NLRP4: variants seen among roughly 807,000 people sequenced by gnomAD.
The protein encoded by NLRP4 is NACHT, LRR and PYD domains-containing protein 4.
A neutral mutation model predicts 84.7 loss-of-function variants in NLRP4; 44 were observed. The ratio of observed to expected loss-of-function variants is 0.52; its 90% CI spans 0.41 to 0.67. The LOEUF is 0.67. NLRP4 is among the 30% of genes least tolerant of loss of function. The pLI, the probability that NLRP4 is intolerant of heterozygous loss-of-function variation, is 0.00. For synonymous variants in NLRP4, 544 were observed against 476.4 expected (o/e 1.14, Z -1.85); for missense variants, 1,260 against 1,219.4 (o/e 1.03, Z -0.50).
At chr19:55,873,923 G>C (rs1985280048) in intron 7 of NLRP4, among the ~76,000 whole-genome samples, 1 of 151,952 alleles carries the variant, frequency 6.6e-6, no homozygotes, top group Non-Finnish European at 1.5e-5. Flanking sequence ...TGGAGCTGTA[G>C]TGCATGTATA....
chr19:55,875,397 A>C (rs1048188362), intron 7 of NLRP4, among the ~76,000 whole-genome samples: 1 of 152,234 alleles, frequency 6.6e-6, no homozygotes, highest in Non-Finnish European at 1.5e-5. Flanking sequence ...AAAAACAGTT[A>C]CTGATATACC....
intron 4 of NLRP4, among the ~76,000 whole-genome samples, chr19:55,861,785 C>T (rs1230655969): frequency 6.6e-6 from 1 of 152,122 alleles, no homozygotes; most frequent in Non-Finnish European, 1.5e-5. Context: ...AATAGCATCC[C>T]CTTGTCCAGA....
rs200434178 is a variant in NLRP4, at chr19:55,843,740, G to A, written c.-66+6806G>A. 3.1e-4 allele frequency among the ~76,000 whole-genome samples: 47 copies of A among 151,912 alleles called. No individual in the cohort carries two copies. The East Asian group carries it at 9.1e-3, about 30-fold the overall frequency. ...CATCCTAGTAGCAATCTTATATTAG[G>A]TTGGTACAAAAGTAATTGCGGTTTT... On this transcript the variant is annotated intron_variant, in intron 1 of 9. Coordinates refer to ENST00000301295, the MANE Select transcript of NLRP4 (RefSeq NM_134444.5).
chr19:55,853,084 A>G (rs1238804369), intron 2 of NLRP4, among the ~76,000 whole-genome samples: 4 of 152,266 alleles, frequency 2.6e-5, no homozygotes, highest in Non-Finnish European at 5.9e-5. Flanking sequence ...GCAATGATCT[A>G]TAAGCAATAT....
intron 2 of NLRP4, among the ~76,000 whole-genome samples, chr19:55,854,128 C>T (rs531234624): frequency 1.3e-5 from 2 of 152,162 alleles, no homozygotes; most frequent in African/African-American, 4.8e-5. Flanking sequence ...CGCCACCACA[C>T]CCGGCTAATT....
intron 1 of NLRP4, among the ~76,000 whole-genome samples, chr19:55,845,967 G>A (rs1445313580): frequency 1.3e-5 from 2 of 152,044 alleles, no homozygotes; most frequent in Admixed American, 6.6e-5. Flanking sequence ...CTCCCATTCT[G>A]TAGGTTGCCT....
chr19:55,858,629 T>A lies in NLRP4; in HGVS notation c.1236T>A (p.Phe412Leu). 6.2e-7 allele frequency: 1 copy of A among 1,614,164 alleles called. No homozygotes were observed. Among genetic ancestry groups the A allele is most frequent in the South Asian group, 1.1e-5 (1 of 91,078 alleles). ...LAAEGMWTDT[F>L]EFCEDDLRRN... ...CAGAGGGTATGTGGACAGACACATT[T>A]GAGTTTTGTGAAGACGACCTCCGGA... is the stretch of plus-strand genomic sequence containing the variant. The change falls in exon 3 of 10, where the codon TTT becomes TTA. Residue 412 changes from phenylalanine (F) to leucine (L), a missense_variant. Around this residue, in one of 3 missense-constraint regions of NLRP4, gnomAD observed 712 missense variants for 669.2 expected, o/e 1.06. Coordinates refer to ENST00000301295, the MANE Select transcript of NLRP4 (RefSeq NM_134444.5). This position sits in a 1 kb window ranked among gnomAD's most constrained non-coding sequence, Gnocchi z 4.2.
intron 1 of NLRP4, among the ~76,000 whole-genome samples, chr19:55,851,339 G>A (rs1410456517): frequency 2.6e-5 from 2 of 78,328 alleles, no homozygotes; most frequent in Non-Finnish European, 4.2e-5. Context: ...CCGTGGCTGC[G>A]GTGTAATGTC....
intron 6 of NLRP4, among the ~76,000 whole-genome samples, chr19:55,868,981 C>T (rs927950902): frequency 2.0e-5 from 3 of 152,022 alleles, no homozygotes; most frequent in Admixed American, 6.6e-5. Flanking sequence ...CTAAAACAAC[C>T]AAAAATAACC....
chr19:55,872,012 T>C (rs1985204196), intron 7 of NLRP4, among the ~76,000 whole-genome samples: 1 of 151,982 alleles, frequency 6.6e-6, no homozygotes, highest in Non-Finnish European at 1.5e-5. Context: ...CACGCCTGGC[T>C]AATTTTTTTG....
intron 3 of NLRP4, among the ~76,000 whole-genome samples, chr19:55,860,848 C>T (rs998168175): frequency 5.9e-5 from 9 of 152,076 alleles, no homozygotes; most frequent in Non-Finnish European, 1.0e-4. Context: ...CATGGTGGCA[C>T]GCACCTATTA....
chr19:55,850,764 A>ACTTCCCG (rs1206992855), intron 1 of NLRP4, among the ~76,000 whole-genome samples: 1 of 130,366 alleles, frequency 7.7e-6, no homozygotes, highest in Non-Finnish European at 1.6e-5. Context: ...GCTGCGGTGT[A>ACTTCCCG]ATTTCCGAGG....
At chr19:55,872,379 A>G (rs1476589012) in intron 7 of NLRP4, among the ~76,000 whole-genome samples, 2 of 152,302 alleles carry the variant, frequency 1.3e-5, no homozygotes, top group East Asian at 1.9e-4. Flanking sequence ...CACAGTTAAA[A>G]TAACCCAACC....
At chr19:55,879,229 G>GGAGATCCAAGGACGCA (rs374854053) in intron 9 of NLRP4, among the ~76,000 whole-genome samples, 1 of 152,072 alleles carries the variant, frequency 6.6e-6, no homozygotes, top group East Asian at 1.9e-4. Context: ...CCAGGGCCGT[G>GGAGATCCAAGGACGCA]GAGATCCAAG....
At chr19:55,880,327 A>T (rs1236218888) in intron 9 of NLRP4, among the ~76,000 whole-genome samples, 4 of 152,208 alleles carry the variant, frequency 2.6e-5, no homozygotes, top group Non-Finnish European at 5.9e-5. Context: ...TAGACACGTG[A>T]TTAAGGGGAA....
chr19:55,872,291 A>G (rs997403157), intron 7 of NLRP4, among the ~76,000 whole-genome samples: 1 of 152,218 alleles, frequency 6.6e-6, no homozygotes, highest in African/African-American at 2.4e-5. Context: ...AAATTGTCTC[A>G]GGAGGTAGGT....
chr19:55,856,938 C>A (rs1390441303), intron 2 of NLRP4, among the ~76,000 whole-genome samples: 7 of 152,230 alleles, frequency 4.6e-5, no homozygotes, highest in African/African-American at 1.4e-4. Flanking sequence ...CCTCTCTCTT[C>A]TGGAGGCAAC....
intron 6 of NLRP4, 31 bp from the exon 7 acceptor site, chr19:55,870,796 C>T: frequency 1.3e-6 from 2 of 1,575,458 alleles, no homozygotes; most frequent in Non-Finnish European, 1.7e-6. Flanking sequence ...CGTCCCTCTT[C>T]ACTCTCCTTC....
intron 8 of NLRP4, among the ~76,000 whole-genome samples, chr19:55,878,131 G>A (rs898863329): frequency 5.9e-5 from 9 of 152,134 alleles, no homozygotes; most frequent in East Asian, 5.8e-4. Flanking sequence ...TTAGCCAGGC[G>A]TGGTGCATGC....
Sources: allele counts gnomAD v4.1 joint callset (sites outside exome capture counted in the v4.1 genomes callset), GRCh38; gene constraint gnomAD v4.1.1; regional missense constraint gnomAD v4.1.1; non-coding constraint Gnocchi (gnomAD v3.1); transcripts MANE v1.5; gene names NCBI Gene and HGNC (gene_info 2026-07-23, HGNC 2026-07-21).